The following EPB41L4B variants were observed in gnomAD, a reference collection of about 807,000 sequenced individuals.
EPB41L4B encodes erythrocyte membrane protein band 4.1 like 4B.
A neutral mutation model predicts 112.5 loss-of-function variants in EPB41L4B; 30 were observed. The observed-to-expected ratio is 0.27, with a 90% CI of 0.20 to 0.36. The LOEUF is 0.36. Among genes scored for constraint, EPB41L4B ranks in the 10% least tolerant of loss-of-function variants. The pLI is 1.00. For missense variants in EPB41L4B, 1,024 were observed against 1,133.3 expected, an observed-to-expected ratio of 0.90 and a Z score of 1.38; for synonymous variants, 408 against 439.7, an observed-to-expected ratio of 0.93 and a Z score of 0.90.
chr9:109,183,708 A>G (rs917451324), intron 23 of EPB41L4B, among the ~76,000 whole-genome samples: 1 of 152,120 alleles, frequency 6.6e-6, no homozygotes, highest in African/African-American at 2.4e-5. Context: ...GTGAATGCAT[A>G]CCATACCACC....
At chr9:109,183,799 C>T (rs1832152532) in intron 23 of EPB41L4B, among the ~76,000 whole-genome samples, 1 of 152,222 alleles carries the variant, frequency 6.6e-6, no homozygotes, top group African/African-American at 2.4e-5. Context: ...GAGGTCTTGC[C>T]TGTGGACACT....
At chr9:109,287,240 G>C (rs1172830600) in intron 1 of EPB41L4B, among the ~76,000 whole-genome samples, 3 of 152,168 alleles carry the variant, frequency 2.0e-5, no homozygotes, top group Non-Finnish European at 4.4e-5. Flanking sequence ...CTGTGCTCCT[G>C]ATAAGGGAGA....
chr9:109,288,552 C>G (rs12235912), intron 1 of EPB41L4B, among the ~76,000 whole-genome samples: 3 of 151,590 alleles, frequency 2.0e-5, no homozygotes, highest in Admixed American at 2.0e-4. Context: ...AACCCTGTTT[C>G]TACTAAACAA....
At chr9:109,273,742 G>T (rs1383580934) in intron 2 of EPB41L4B, among the ~76,000 whole-genome samples, 1 of 152,080 alleles carries the variant, frequency 6.6e-6, no homozygotes, top group African/African-American at 2.4e-5. Context: ...TAACCCCTAA[G>T]CACTGTCTAT....
chr9:109,264,041 G>GAC (rs775855479), intron 5 of EPB41L4B, among the ~76,000 whole-genome samples: 1 of 148,190 alleles, frequency 6.7e-6, no homozygotes, highest in East Asian at 1.9e-4. Flanking sequence ...GAGAGAGGTA[G>GAC]AGAGAGAGAG....
intron 24 of EPB41L4B, among the ~76,000 whole-genome samples, chr9:109,176,916 C>T (rs10979730): frequency 0.058 from 8,847 of 152,248 alleles, 400 homozygotes; most frequent in Admixed American, 0.13. Context: ...TATATTTCCT[C>T]ACATCTTAGG....
chr9:109,240,722 G>A (rs1834325374), intron 15 of EPB41L4B: 17 of 985,390 alleles, frequency 1.7e-5, no homozygotes, highest in Non-Finnish European at 1.9e-5. Flanking sequence ...AACCTTATAT[G>A]CTTTCATTTG....
At chr9:109,206,299 T>C (rs1029938038) in intron 18 of EPB41L4B, among the ~76,000 whole-genome samples, 31 of 152,198 alleles carry the variant, frequency 2.0e-4, no homozygotes, top group African/African-American at 7.2e-4. Context: ...TTCTCCTGCC[T>C]CAGCCTCCCG....
At chr9:109,282,113 T>C (rs574320742) in intron 1 of EPB41L4B, among the ~76,000 whole-genome samples, 1 of 152,202 alleles carries the variant, frequency 6.6e-6, no homozygotes, top group South Asian at 2.1e-4. Context: ...CTAGGAAACA[T>C]TATGCTAAGT....
At chr9:109,190,403 C>T (rs1832420228) in intron 22 of EPB41L4B, among the ~76,000 whole-genome samples, 1 of 152,172 alleles carries the variant, frequency 6.6e-6, no homozygotes, top group African/African-American at 2.4e-5. Context: ...GATGGGAAGG[C>T]CCAGAGAGAG....
intron 2 of EPB41L4B, among the ~76,000 whole-genome samples, chr9:109,272,372 G>C (rs566094174): frequency 4.2e-4 from 64 of 152,302 alleles, no homozygotes; most frequent in African/African-American, 1.5e-3. Context: ...TGAGGTGGGA[G>C]AATCACTTGA....
chr9:109,206,015 A>T (rs16913986), intron 18 of EPB41L4B, among the ~76,000 whole-genome samples: 63 of 152,292 alleles, frequency 4.1e-4, no homozygotes, highest in Non-Finnish European at 7.5e-4. Flanking sequence ...ATGTTCTGGA[A>T]GGACCTAAAT....
intron 15 of EPB41L4B, among the ~76,000 whole-genome samples, chr9:109,227,255 TTC>T (rs931368110): frequency 1.3e-5 from 2 of 152,164 alleles, no homozygotes; most frequent in African/African-American, 4.8e-5. Context: ...TCTCACATCA[TTC>T]TTTTTCTTTT....
chr9:109,320,072 C>T, intron 1 of EPB41L4B, 69 bp downstream of exon 1: 3 of 1,278,436 alleles, frequency 2.3e-6, no homozygotes, highest in Non-Finnish European at 2.0e-6. Flanking sequence ...CCGATGCAAG[C>T]ACTGGGGGAG....
At chr9:109,281,611 G>T (rs1339690306) in intron 1 of EPB41L4B, among the ~76,000 whole-genome samples, 1 of 152,104 alleles carries the variant, frequency 6.6e-6, no homozygotes, top group Non-Finnish European at 1.5e-5. Context: ...CTGAGGTCGG[G>T]GAGGTGGAAG....
intron 21 of EPB41L4B, among the ~76,000 whole-genome samples, chr9:109,193,973 A>T (rs1039133158): frequency 6.6e-6 from 1 of 152,110 alleles, no homozygotes; most frequent in African/African-American, 2.4e-5. Flanking sequence ...TGCCCTCAAA[A>T]ATCTCTTACA....
intron 1 of EPB41L4B, among the ~76,000 whole-genome samples, chr9:109,302,300 G>A (rs1334351055): frequency 6.6e-6 from 1 of 152,194 alleles, no homozygotes; most frequent in Non-Finnish European, 1.5e-5. Context: ...TCCTTGGCTG[G>A]TAGATGGTCG....
intron 15 of EPB41L4B, among the ~76,000 whole-genome samples, chr9:109,236,290 AG>A (rs1419172182): frequency 6.6e-6 from 1 of 152,180 alleles, no homozygotes; most frequent in Non-Finnish European, 1.5e-5. Flanking sequence ...AGCCATATAA[AG>A]AACCACTAGA....
At chr9:109,281,806 C>T (rs1396608545) in intron 1 of EPB41L4B, among the ~76,000 whole-genome samples, 3 of 152,106 alleles carry the variant, frequency 2.0e-5, no homozygotes, top group Admixed American at 6.5e-5. Context: ...GAATGTAAAA[C>T]TGTGCAGCTG....
Sources: allele counts gnomAD v4.1 joint callset (sites outside exome capture counted in the v4.1 genomes callset), GRCh38; gene constraint gnomAD v4.1.1; transcripts MANE v1.5; gene names NCBI Gene and HGNC (gene_info 2026-07-23, HGNC 2026-07-21).